Variants in KCNH2 observed in about 807,000 individuals in gnomAD.
KCNH2 encodes the protein potassium voltage-gated channel subfamily H member 2.
In KCNH2, 35 loss-of-function variants were observed where a neutral mutation model predicts 95.9. The ratio of observed to expected loss-of-function variants is 0.37; its 90% CI spans 0.28 to 0.48. KCNH2 has a LOEUF of 0.48. Ranked by LOEUF, KCNH2 falls within the 20% of genes least tolerant of loss-of-function variation. The pLI is 0.99. For synonymous variants in KCNH2, 786 were observed against 754.7 expected (o/e 1.04, Z -0.68); for missense variants, 1,274 against 1,702.9 (o/e 0.75, Z 4.43).
chr7:150,948,453 T>C lies in KCNH2; in HGVS notation c.2683A>G (p.Thr895Ala). 7.4e-7 allele frequency: 1 copy of C among 1,349,242 alleles called. No homozygotes were observed. The highest frequency in any genetic ancestry group is 1.0e-6 in the Non-Finnish European group (1 of 988,998). The allele number at this position is 1,349,242 out of a possible 1,614,324, so 83.6% of individuals were successfully genotyped here. ...RKRKLSFRRR[T>A]DKDTEQPGEV... ...CCCTCCCCCGCCTCACCCTTGTCCG[T>C]GCGCCTGCGGAAGGACAACTTGCGC... Residue 895 changes from threonine (T) to alanine (A), a missense_variant, in exon 11 of 15, where the codon ACG becomes GCG. Coordinates refer to ENST00000262186, the MANE Select transcript of KCNH2 (RefSeq NM_000238.4).
intron 3 of KCNH2, 54 bp from the exon 4 acceptor site, chr7:150,958,556 G>C (rs1801467916): frequency 7.1e-7 from 1 of 1,415,038 alleles, no homozygotes; most frequent in South Asian, 1.4e-5. Flanking sequence ...CCCCGGAGCG[G>C]GCAAGGCCTG....
rs41307270 is a variant in KCNH2, at chr7:150,947,043, C to T, written c.3164G>A (p.Arg1055Gln). 2.5e-5 allele frequency: 39 copies of T among 1,584,746 alleles called. No individual in the cohort carries two copies. In the East Asian group the frequency reaches 3.9e-4, roughly 16 times the overall value. Residue 1055 changes from arginine (R) to glutamine (Q), a missense_variant, in exon 14 of 15, where the codon CGG (arginine) becomes CAG (glutamine). Arg to Gln is a conservative substitution (Grantham distance 43). Around this residue, in one of 7 missense-constraint regions of KCNH2, gnomAD observed 457 missense variants for 416.1 expected, o/e 1.10. Coordinates refer to ENST00000262186, the MANE Select transcript of KCNH2 (RefSeq NM_000238.4). ...GACAGTGGCCATGTCTGCACTCAGC[C>T]GGGTCTCCAGCCTGGGGCAGGAAGT... ...LQRQLNRLET[R>Q]LSADMATVLQ...
At chr7:150,949,230 C>T (rs1049227491) in intron 9 of KCNH2, among the ~76,000 whole-genome samples, 181 bp from the exon 10 acceptor site, 1 of 152,156 alleles carries the variant, frequency 6.6e-6, no homozygotes, top group Non-Finnish European at 1.5e-5. Context: ...CCTCAGCTCC[C>T]AGCAGGCACG....
intron 2 of KCNH2, among the ~76,000 whole-genome samples, chr7:150,966,693 G>A (rs1295285273): frequency 6.6e-6 from 1 of 152,104 alleles, no homozygotes; most frequent in East Asian, 1.9e-4. Context: ...AGGAAACATA[G>A]TCAAAAACAA....
Position 150,951,032 on chromosome 7 carries a change from C to T in KCNH2, c.2034G>A (p.Leu678=), listed in dbSNP as rs1801131951. The T allele has an allele frequency of 6.2e-7, 1 of 1,614,110 alleles. No individual in the cohort carries two copies. The part of the protein sequence containing the change: ...SGTARYHTQM[L]RVREFIRFHQ... ...GGAAGCGGATGAACTCCCGCACCCG[C>T]AGCATCTGTGTGTGGTAGCGGGCTG... The change falls in exon 8 of 15, where the codon CTG becomes CTA. Residue 678 remains leucine, a synonymous_variant. Coordinates refer to ENST00000262186, the MANE Select transcript of KCNH2 (RefSeq NM_000238.4).
At chr7:150,963,240 CA>C (rs1320925927) in intron 2 of KCNH2, among the ~76,000 whole-genome samples, 1 of 152,166 alleles carries the variant, frequency 6.6e-6, no homozygotes, top group Non-Finnish European at 1.5e-5. Context: ...GGAGGGGGTG[CA>C]ACAGGGGAGA....
At chr7:150,949,260 G>A in intron 9 of KCNH2, 1 of 833,840 alleles carries the variant, frequency 1.2e-6, no homozygotes, top group Non-Finnish European at 1.4e-6. Flanking sequence ...GAGGGGCCAG[G>A]AGCCCAGGGT....
chr7:150,958,099 G>C lies in KCNH2; in HGVS notation c.876C>G (p.Arg292=). The change falls in exon 4 of 15, where the codon CGC becomes CGG. Residue 292 remains arginine (R), a synonymous_variant. Coordinates refer to ENST00000262186, the MANE Select transcript of KCNH2 (RefSeq NM_000238.4). ...GCGGTGGCGGGGGCAGCACCCCGGC[G>C]CGCATGGCCTCGATGTCGTCGGCCG... ...ASSADDIEAM[R]AGVLPPPPRH... 3.1e-6 allele frequency: 4 copies of C among 1,288,436 alleles called. No individual in the cohort carries two copies. Among genetic ancestry groups the C allele is most frequent in the Non-Finnish European group, 3.9e-6 (4 of 1,022,256 alleles). 79.8% of individuals were successfully genotyped at this position (1,288,436 alleles called of 1,614,324 possible).
chr7:150,977,795 G>T, intron 1 of KCNH2, 43 bp downstream of exon 1: 4 of 440,734 alleles, frequency 9.1e-6, no homozygotes, highest in Non-Finnish European at 1.1e-5. Flanking sequence ...AGCTCGGCCC[G>T]CCCCCAGAGC....
At chr7:150,960,421 G>A (rs1358483863) in intron 2 of KCNH2, among the ~76,000 whole-genome samples, 7 of 152,178 alleles carry the variant, frequency 4.6e-5, no homozygotes, top group Non-Finnish European at 8.8e-5. Context: ...CATGCTGAGC[G>A]CTTAGGCAAT....
intron 2 of KCNH2, 42 bp from the exon 3 acceptor site, chr7:150,959,778 T>A: frequency 1.2e-6 from 2 of 1,613,018 alleles, no homozygotes; most frequent in South Asian, 1.1e-5. Context: ...ACCCACTCAG[T>A]GGGCAGAGCA....
intron 2 of KCNH2, among the ~76,000 whole-genome samples, chr7:150,971,633 G>C (rs3807373): frequency 2.6e-5 from 4 of 151,578 alleles, no homozygotes; most frequent in African/African-American, 9.7e-5. Context: ...GCAAGGTTCC[G>C]GGGTGCTGAG....
intron 2 of KCNH2, among the ~76,000 whole-genome samples, chr7:150,964,617 A>G (rs41313098): frequency 1.3e-5 from 2 of 152,242 alleles, no homozygotes; most frequent in African/African-American, 4.8e-5. Flanking sequence ...GGAAGCATCC[A>G]GAATTCTAAC....
chr7:150,977,752 G>T (rs1802012005), intron 1 of KCNH2, 86 bp downstream of exon 1: 3 of 1,183,510 alleles, frequency 2.5e-6, no homozygotes, highest in Non-Finnish European at 3.6e-6. Flanking sequence ...GACGCACACG[G>T]CCCGGGCACG....
At position 150,950,155 on chromosome 7, in the gene KCNH2, C is replaced by T. The variant is rs1451551909; in HGVS notation, c.2398+13G>A. On this transcript the variant is annotated intron_variant, in intron 9 of 14. Transcript: ENST00000262186. ...GGGCATTTCCAGTCCAGTGCCCGCC[C>T]CCCACCCCATACCCAGGATGGCCAC... 1 of 762,258 alleles carries T rather than the reference C, an allele frequency of 1.3e-6. No individual in the cohort carries two copies. Among genetic ancestry groups the T allele is most frequent in the South Asian group, 1.3e-5 (1 of 74,096 alleles). The allele number at this position is 762,258 out of a possible 1,614,324, so 47.2% of individuals were successfully genotyped here. A position where few individuals can be genotyped will look rare whatever the true frequency, so the allele number is the denominator to read the frequency against.
chr7:150,947,830 C>G lies in KCNH2; in HGVS notation c.2741G>C (p.Gly914Ala). 1.3e-6 allele frequency: 2 copies of G among 1,525,296 alleles called. No homozygotes were observed. The highest frequency in any genetic ancestry group is 1.8e-6 in the Non-Finnish European group (2 of 1,142,134). The allele number at this position is 1,525,296 out of a possible 1,614,324, so 94.5% of individuals were successfully genotyped here. Reference protein sequence around the residue: ...EVSALGPGRAGAGPSSRGRPG... With the variant: ...EVSALGPGRAAAGPSSRGRPG... ...CCGGCCCCGGCTACTCGGCCCTGCC[C>G]CCGCCCGGCCCGGCCCCAAGGCCGA... is the stretch of plus-strand genomic sequence containing the variant. Residue 914 changes from glycine (G) to alanine (A), a missense_variant, in exon 12 of 15, where the codon GGG becomes GCG. By Grantham distance (60) the Gly-to-Ala change is moderately conservative. Transcript: ENST00000262186.
intron 1 of KCNH2, among the ~76,000 whole-genome samples, chr7:150,975,507 C>T (rs1801960967): frequency 6.6e-6 from 1 of 152,180 alleles, no homozygotes; most frequent in African/African-American, 2.4e-5. Context: ...TGCACACCAC[C>T]CCCGCCCCAA....
intron 10 of KCNH2, 93 bp from the exon 11 acceptor site, chr7:150,948,636 G>A (rs1801016298): frequency 3.1e-6 from 4 of 1,277,082 alleles, no homozygotes; most frequent in Admixed American, 3.5e-5. Flanking sequence ...GAAAAAGTAG[G>A]GCTGGGCGCC....
rs1801242666 is a variant in KCNH2, at chr7:150,952,964, G to C, written c.1129-111C>G. The C allele has an allele frequency of 4.7e-6, 5 of 1,073,454 alleles. No homozygotes were observed. The highest frequency in any genetic ancestry group is 6.8e-6 in the Non-Finnish European group (5 of 739,970). The allele number at this position is 1,073,454 out of a possible 1,614,324, so 66.5% of individuals were successfully genotyped here. ...CAGAATGAGGAGGAGGCCAAAAAAA[G>C]CTTCCATCAGAATGCCCACCCCTCA... is the stretch of plus-strand genomic sequence containing the variant. On this transcript the variant is annotated intron_variant, in intron 5 of 14. Transcript: ENST00000262186. The surrounding 1 kb of genome is among the most constrained non-coding windows in gnomAD (Gnocchi z 7.3).
Sources: allele counts gnomAD v4.1 joint callset (sites outside exome capture counted in the v4.1 genomes callset), GRCh38; gene constraint gnomAD v4.1.1; regional missense constraint gnomAD v4.1.1; non-coding constraint Gnocchi (gnomAD v3.1); transcripts MANE v1.5; gene names NCBI Gene and HGNC (gene_info 2026-07-23, HGNC 2026-07-21).